ZMYND8: variants seen among roughly 807,000 people sequenced by gnomAD.
ZMYND8 encodes the protein MYND-type zinc finger-containing chromatin reader ZMYND8.
Under a neutral mutation model 140.8 loss-of-function variants are expected in ZMYND8, and 37 were observed. The ratio of observed to expected loss-of-function variants is 0.26; its 90% CI spans 0.20 to 0.35. The LOEUF (loss-of-function observed/expected upper bound fraction) is 0.35. Among genes scored for constraint, ZMYND8 ranks in the 10% least tolerant of loss-of-function variants. The pLI is 1.00. For missense variants in ZMYND8, 1,068 were observed against 1,570.0 expected, an observed-to-expected ratio of 0.68 and a Z score of 5.40; for synonymous variants, 592 against 597.1, an observed-to-expected ratio of 0.99 and a Z score of 0.12.
At chr20:47,351,324 A>G (rs1401100707) in intron 1 of ZMYND8, among the ~76,000 whole-genome samples, 2 of 152,168 alleles carry the variant, frequency 1.3e-5, no homozygotes, top group Non-Finnish European at 2.9e-5. Context: ...TGACAGAAAA[A>G]TGCCTGAATA....
At chr20:47,303,157 AG>A (rs1447785670) in intron 3 of ZMYND8, among the ~76,000 whole-genome samples, 1 of 152,060 alleles carries the variant, frequency 6.6e-6, no homozygotes, top group Non-Finnish European at 1.5e-5. Context: ...AATTTATTGT[AG>A]GGGTATGGGG....
intron 12 of ZMYND8, among the ~76,000 whole-genome samples, chr20:47,258,782 A>AT (rs2147502342): frequency 6.6e-6 from 1 of 152,220 alleles, no homozygotes; most frequent in South Asian, 2.1e-4. Flanking sequence ...TCACTGGAGA[A>AT]TTCCTTAACA....
intron 11 of ZMYND8, among the ~76,000 whole-genome samples, chr20:47,267,439 A>G (rs892243379): frequency 3.3e-5 from 5 of 149,974 alleles, no homozygotes; most frequent in Non-Finnish European, 7.4e-5. Flanking sequence ...CATTTTTTTA[A>G]AAGATCTCAG....
At chr20:47,271,289 C>A (rs904424677) in intron 11 of ZMYND8, among the ~76,000 whole-genome samples, 6 of 152,162 alleles carry the variant, frequency 3.9e-5, no homozygotes, top group Non-Finnish European at 5.9e-5. Flanking sequence ...GCTACTGACT[C>A]TTCTGACACA....
At position 47,298,572 on chromosome 20, in the gene ZMYND8, T is replaced by C; in HGVS notation, c.453+157A>G. 1 of 1,453,374 alleles carries C rather than the reference T, an allele frequency of 6.9e-7. No homozygotes were observed. The allele number at this position is 1,453,374 out of a possible 1,614,324, so 90.0% of individuals were successfully genotyped here. On this transcript the variant is annotated intron_variant, in intron 4 of 22. Transcript: ENST00000471951. The surrounding 1 kb of genome is among the most constrained non-coding windows in gnomAD (Gnocchi z 5.0). Reference sequence around the variant, plus strand: ...GCTGCAGTACTGCAGCCACTGCCGGTGTTGGTCAAGAAGGGGGTGACCAGG... The same window carrying C: ...GCTGCAGTACTGCAGCCACTGCCGGCGTTGGTCAAGAAGGGGGTGACCAGG...
At chr20:47,290,365 T>C in intron 6 of ZMYND8, 91 bp from the exon 7 acceptor site, 1 of 1,141,544 alleles carries the variant, frequency 8.8e-7, no homozygotes, top group East Asian at 2.5e-5. Flanking sequence ...TTTGTAGCAG[T>C]CATTTGCCAA....
intron 12 of ZMYND8, among the ~76,000 whole-genome samples, chr20:47,255,298 CGCTG>C (rs2074508617): frequency 6.6e-6 from 1 of 151,876 alleles, no homozygotes; most frequent in Non-Finnish European, 1.5e-5. Context: ...GTTACAGACA[CGCTG>C]GCCTTTCATG....
chr20:47,284,079 C>A (rs190319709), intron 8 of ZMYND8, among the ~76,000 whole-genome samples: 1 of 152,168 alleles, frequency 6.6e-6, no homozygotes, highest in Non-Finnish European at 1.5e-5. Flanking sequence ...TGCATCACCA[C>A]GCCCAGCTAA....
In ZMYND8 at chr20:47,210,215, G is replaced by C. The variant is rs931860580; in HGVS notation, c.*546C>G. The C allele has an allele frequency of 4.6e-5, 7 of 153,248 alleles. No homozygotes were observed. The highest frequency in any genetic ancestry group is 1.7e-4 in the African/African-American group (7 of 41,420). The allele number at this position is 153,248 out of a possible 1,614,324, so 9.5% of individuals were successfully genotyped here. A position where few individuals can be genotyped will look rare whatever the true frequency, so the allele number is the denominator to read the frequency against. On this transcript the variant is annotated 3_prime_UTR_variant, in exon 23 of 23. Coordinates refer to ENST00000471951, the MANE Select transcript of ZMYND8 (RefSeq NM_001281775.3). ...ACGGCTTGATGGGATAGTCTGTGCC[G>C]AAACTCCCGATCCCAACATGCTGCG...
intron 14 of ZMYND8, among the ~76,000 whole-genome samples, chr20:47,240,935 A>G (rs114619881): frequency 0.021 from 3,182 of 152,212 alleles, 65 homozygotes; most frequent in African/African-American, 0.055. Flanking sequence ...AGCCTCCCGA[A>G]TAGCTGGGAC....
intron 3 of ZMYND8, among the ~76,000 whole-genome samples, chr20:47,303,440 G>C (rs112761196): frequency 0.012 from 1,852 of 152,256 alleles, 33 homozygotes; most frequent in African/African-American, 0.043. Context: ...AGAATCAGCT[G>C]GGCACAGTGG....
chr20:47,308,747 A>C (rs2078692565), intron 3 of ZMYND8, among the ~76,000 whole-genome samples: 1 of 152,210 alleles, frequency 6.6e-6, no homozygotes, highest in African/African-American at 2.4e-5. Flanking sequence ...ACGGAGCAAA[A>C]GCAGGGCTGG....
chr20:47,329,497 C>G (rs1034279781), intron 2 of ZMYND8, among the ~76,000 whole-genome samples: 3 of 152,104 alleles, frequency 2.0e-5, no homozygotes, highest in Admixed American at 6.6e-5. Context: ...CTCCTCCTCC[C>G]GAGTTCAAGC....
At chr20:47,336,306 C>G (rs1261930850) in intron 2 of ZMYND8, among the ~76,000 whole-genome samples, 2 of 152,188 alleles carry the variant, frequency 1.3e-5, no homozygotes, top group Non-Finnish European at 2.9e-5. Context: ...CAAATCTCAG[C>G]AAGAATGATA....
intron 2 of ZMYND8, among the ~76,000 whole-genome samples, chr20:47,339,374 G>A (rs2081646545): frequency 6.6e-6 from 1 of 152,110 alleles, no homozygotes; most frequent in Admixed American, 6.6e-5. Context: ...GGGGGAAATG[G>A]CAGAACAGTC....
chr20:47,340,021 C>A (rs918691061), intron 2 of ZMYND8, among the ~76,000 whole-genome samples: 3 of 152,066 alleles, frequency 2.0e-5, no homozygotes, highest in African/African-American at 7.2e-5. Flanking sequence ...CAGCTCCCTG[C>A]AACCTCTGCC....
chr20:47,256,290 G>A lies in ZMYND8; in HGVS notation c.1621+5998C>T, dbSNP rs1333461069. Among the ~76,000 whole-genome samples the A allele has an allele frequency of 2.0e-5, 3 of 151,180 alleles. No homozygotes were observed. The South Asian group carries it at 6.3e-4, about 32-fold the overall frequency. On this transcript the variant is annotated intron_variant, in intron 12 of 22. Transcript: ENST00000471951. ...AGGCCAGAAGTTTGAGACCAGCCTG[G>A]GAAACATAGCGAGACCCTGTCTCTA...
At chr20:47,228,420 C>T (rs919511134) in intron 17 of ZMYND8, among the ~76,000 whole-genome samples, 6 of 152,168 alleles carry the variant, frequency 3.9e-5, no homozygotes, top group Non-Finnish European at 8.8e-5. Flanking sequence ...ATTATAACCT[C>T]TCTAAAATCC....
At chr20:47,290,070 C>A in intron 7 of ZMYND8, 117 bp downstream of exon 7, 1 of 964,146 alleles carries the variant, frequency 1.0e-6, no homozygotes, top group East Asian at 2.8e-5. Flanking sequence ...TATATTAGCA[C>A]AATCTATACG....
Sources: gnomAD v4.1 joint callset for allele counts (sites outside exome capture counted in the v4.1 genomes callset) on GRCh38, gnomAD v4.1.1 for gene constraint, Gnocchi (gnomAD v3.1) non-coding constraint, MANE v1.5 for transcripts, NCBI Gene and HGNC (gene_info 2026-07-23, HGNC 2026-07-21) for gene names.